Variants in PYCR1 observed in about 807,000 individuals in gnomAD.
PYCR1 encodes pyrroline-5-carboxylate reductase 1, mitochondrial.
In PYCR1, 19 loss-of-function variants were observed where a neutral mutation model predicts 22.9. The ratio of observed to expected loss-of-function variants is 0.83; its 90% confidence interval spans 0.58 to 1.22. PYCR1 has a LOEUF of 1.22. PYCR1 is among the 50% of genes most tolerant of loss of function. The probability of loss-of-function intolerance (pLI) is 0.00; values close to 1 mark genes in which losing one functional copy is unlikely to be tolerated. For missense variants in PYCR1, 429 were observed against 431.3 expected, an observed-to-expected ratio of 0.99 and a Z score of 0.05; for synonymous variants, 175 against 180.5, an observed-to-expected ratio of 0.97 and a Z score of 0.24.
At chr17:81,934,170 T>C (rs866155549) in intron 6 of PYCR1, 156 bp downstream of exon 6, 11 of 1,081,274 alleles carry the variant, frequency 1.0e-5, no homozygotes, top group Admixed American at 8.0e-5. Flanking sequence ...CTGCCCACAG[T>C]AACCCAGGGA....
chr17:81,934,336 T>C lies in PYCR1; in HGVS notation c.787A>G (p.Ile263Val), dbSNP rs776368964. The part of the protein sequence containing the change: ...LLINAVEASC[I>V]RTRELQSMAD... ...AGCGCGGGGGCCCACCGTGTGCGGATGCAGGAGGCCTCCACAGCGTTGATG... is the reference window on the plus strand; with the variant it reads ...AGCGCGGGGGCCCACCGTGTGCGGACGCAGGAGGCCTCCACAGCGTTGATG... The change falls in exon 6 of 7, where the codon ATC (isoleucine) becomes GTC (valine). Residue 263 changes from isoleucine to valine, a missense_variant. Ile to Val is a conservative substitution (Grantham distance 29). Transcript: ENST00000329875. The C allele has an allele frequency of 9.3e-6, 15 of 1,612,944 alleles. No individual in the cohort carries two copies. Among genetic ancestry groups the C allele is most frequent in the Non-Finnish European group, 1.3e-5 (15 of 1,179,962 alleles).
Position 81,932,671 on chromosome 17 carries a change from C to G in PYCR1, c.*543G>C. 1.4e-6 allele frequency: 1 copy of G among 714,558 alleles called. No individual in the cohort carries two copies. The highest frequency in any genetic ancestry group is 2.3e-6 in the Non-Finnish European group (1 of 438,720). The allele number at this position is 714,558 out of a possible 1,614,324, so 44.3% of individuals were successfully genotyped here. A position where few individuals can be genotyped will look rare whatever the true frequency, so the allele number is the denominator to read the frequency against. ...AAGTTCACCAGCAGCCCAAGGAGCC[C>G]TTTCCCCAAATGTCCATGGGATCTG... On this transcript the variant is annotated 3_prime_UTR_variant, in exon 7 of 7. Coordinates refer to ENST00000329875, the MANE Select transcript of PYCR1 (RefSeq NM_006907.4).
chr17:81,935,030 C>G lies in PYCR1; in HGVS notation c.436G>C (p.Gly146Arg), dbSNP rs748476036. The change falls in exon 4 of 7, where the codon GGG (glycine) becomes CGG (arginine). Residue 146 changes from glycine (G) to arginine (R), a missense_variant. Gly to Arg is a moderately radical substitution (Grantham distance 125). Coordinates refer to ENST00000329875, the MANE Select transcript of PYCR1 (RefSeq NM_006907.4). ...CTCAGCAGCTGCTCCATGAGCCTCC[C>G]GTCCTCCACCTGGGCGTGCGTGCCT... ...ATGTHAQVED[G>R]RLMEQLLSSV... 2 of 1,610,434 alleles carry G rather than the reference C, an allele frequency of 1.2e-6. No individual in the cohort carries two copies. Among genetic ancestry groups the G allele is most frequent in the African/African-American group, 2.7e-5 (2 of 75,018 alleles).
rs1406081130 is a variant in PYCR1 at position 81,935,150 on chromosome 17, G to C, written c.319-3C>G. ...GCTGGCCGAAACGCTGACAGCTTCT[G>C]GAAGAGAAACCAGCGTGTCCGTCTG... is the stretch of plus-strand genomic sequence containing the variant. On this transcript the variant is annotated splice_polypyrimidine_tract_variant and splice_region_variant and intron_variant, in intron 3 of 6. Transcript: ENST00000329875. 5.0e-6 allele frequency: 8 copies of C among 1,604,834 alleles called. No individual in the cohort carries two copies. Among genetic ancestry groups the C allele is most frequent in the Non-Finnish European group, 6.8e-6 (8 of 1,178,704 alleles).
In PYCR1 at chr17:81,934,365, A is replaced by G; in HGVS notation, c.758T>C (p.Leu253Pro). The change falls in exon 6 of 7, where the codon CTG becomes CCG. Residue 253 changes from leucine to proline, a missense_variant. Coordinates refer to ENST00000329875, the MANE Select transcript of PYCR1 (RefSeq NM_006907.4). ...HVLESGGFRS[L>P]LINAVEASCI... ...GGAGGCCTCCACAGCGTTGATGAGC[A>G]GGGAGCGGAAGCCCCCACTCTCCAG... 1.2e-6 allele frequency: 2 copies of G among 1,612,916 alleles called. No individual in the cohort carries two copies. Among genetic ancestry groups the G allele is most frequent in the Non-Finnish European group, 1.7e-6 (2 of 1,179,978 alleles).
rs1486257618 is a variant in PYCR1, at chr17:81,934,950, C to T, written c.516G>A (p.Gly172=). The T allele has an allele frequency of 1.2e-6, 2 of 1,609,368 alleles. No individual in the cohort carries two copies. Among genetic ancestry groups the T allele is most frequent in the Non-Finnish European group, 1.7e-6 (2 of 1,179,982 alleles). Residue 172 remains glycine, a synonymous_variant, in exon 4 of 7, where the codon GGG becomes GGA. Transcript: ENST00000329875. The part of the protein sequence containing the change: ...VEEDLIDAVT[G]LSGSGPAYAF... ...CGTAGGCGGGGCCGCTGCCACTGAG[C>T]CCCGTGACGGCATCAATCAGGTCCT... is the stretch of plus-strand genomic sequence containing the variant.
chr17:81,936,738 G>T lies in PYCR1; in HGVS notation c.67+10C>A. 6.3e-7 allele frequency: 1 copy of T among 1,599,454 alleles called. No homozygotes were observed. On this transcript the variant is annotated intron_variant, in intron 1 of 6. Coordinates refer to ENST00000329875, the MANE Select transcript of PYCR1 (RefSeq NM_006907.4). The stretch of plus-strand genomic sequence containing the variant: ...CACTGGGCCTCACCGTCCCCCACCT[G>T]GGGGCCTACCTGCTGCTGTGAAGCC...
At chr17:81,934,621 G>T (rs1403618766) in intron 5 of PYCR1, 32 bp downstream of exon 5, 21 of 1,551,524 alleles carry the variant, frequency 1.4e-5, no homozygotes, top group Non-Finnish European at 1.8e-5. Context: ...CGCAAAGAGT[G>T]GCCCCACCAG....
chr17:81,936,014 G>A, intron 2 of PYCR1, 109 bp downstream of exon 2: 1 of 1,294,384 alleles, frequency 7.7e-7, no homozygotes, highest in Non-Finnish European at 1.1e-6. Context: ...TGAGACCCCA[G>A]CCCAGGGCCC....
In PYCR1 at chr17:81,935,317, C is replaced by A. The variant is rs1362825805; in HGVS notation, c.318+20G>T. The A allele has an allele frequency of 1.9e-6, 3 of 1,610,926 alleles. No individual in the cohort carries two copies. In the Admixed American group the frequency reaches 5.0e-5, roughly 27 times the overall value. ...CTCTAGACAGCCCCTCTCCACACCC[C>A]ACTGGGCCTGCGGTGCTACCTTCTC... On this transcript the variant is annotated intron_variant, in intron 3 of 6. Transcript: ENST00000329875.
chr17:81,936,242 T>C (rs1282709178), intron 1 of PYCR1, 49 bp from the exon 2 acceptor site: 1 of 1,572,694 alleles, frequency 6.4e-7, no homozygotes, highest in Non-Finnish European at 8.7e-7. Context: ...TTTTTTTTTT[T>C]TGAGACGGAG....
rs1419961164 is a variant in PYCR1 at position 81,935,320 on chromosome 17, T to C, written c.318+17A>G. ...TAGACAGCCCCTCTCCACACCCCACTGGGCCTGCGGTGCTACCTTCTCAAT... is the reference window on the plus strand; with the variant it reads ...TAGACAGCCCCTCTCCACACCCCACCGGGCCTGCGGTGCTACCTTCTCAAT... On this transcript the variant is annotated intron_variant, in intron 3 of 6. Coordinates refer to ENST00000329875, the MANE Select transcript of PYCR1 (RefSeq NM_006907.4). The C allele has an allele frequency of 2.5e-6, 4 of 1,611,088 alleles. No individual in the cohort carries two copies. Among genetic ancestry groups the C allele is most frequent in the Non-Finnish European group, 2.5e-6 (3 of 1,179,922 alleles).
intron 4 of PYCR1, 28 bp downstream of exon 4, chr17:81,934,879 GGTCCCGGGAAGTGCCCGCC>G (rs1567923956): frequency 2.5e-6 from 4 of 1,596,930 alleles, no homozygotes; most frequent in Non-Finnish European, 3.4e-6. Flanking sequence ...TGTGCCCGGT[GGTCCCGGGAAGTGCCCGCC>G]GCCGCCAGCT....
chr17:81,934,558 T>C, intron 5 of PYCR1, 69 bp from the exon 6 acceptor site: 1 of 1,558,080 alleles, frequency 6.4e-7, no homozygotes, highest in Non-Finnish European at 8.7e-7. Flanking sequence ...CCCCAGCCAC[T>C]GTAGCACACA....
chr17:81,935,238 G>T, intron 3 of PYCR1, 91 bp from the exon 4 acceptor site: 1 of 1,570,682 alleles, frequency 6.4e-7, no homozygotes. Context: ...CTCCCAGTGG[G>T]CCGGGACGCT....
intron 4 of PYCR1, 66 bp downstream of exon 4, chr17:81,934,860 A>G (rs1567923905): frequency 6.3e-7 from 1 of 1,579,598 alleles, no homozygotes; most frequent in Non-Finnish European, 8.6e-7. Context: ...CAGGGGGAGC[A>G]GGGACAGATG....
intron 6 of PYCR1, among the ~76,000 whole-genome samples, chr17:81,933,784 A>G (rs2041065126): frequency 6.6e-6 from 1 of 152,234 alleles, no homozygotes; most frequent in Admixed American, 6.5e-5. Flanking sequence ...CCCACCCTGC[A>G]GACCTGAACT....
Position 81,934,731 on chromosome 17 carries a change from C to G in PYCR1, c.555G>C (p.Leu185=). The change falls in exon 5 of 7, where the codon CTG becomes CTC. Residue 185 remains leucine (L), a synonymous_variant. Coordinates refer to ENST00000329875, the MANE Select transcript of PYCR1 (RefSeq NM_006907.4). ...TCACACCCCCATCAGCCAGGGCATC[C>G]AGGGCTGTGAATGCCTGTGGGGAGA... ...GSGPAYAFTA[L]DALADGGVKM... 6.4e-7 allele frequency: 1 copy of G among 1,558,092 alleles called. No homozygotes were observed. Among genetic ancestry groups the G allele is most frequent in the Non-Finnish European group, 8.7e-7 (1 of 1,151,468 alleles).
chr17:81,935,272 T>C, intron 3 of PYCR1, 65 bp downstream of exon 3: 1 of 1,599,480 alleles, frequency 6.3e-7, no homozygotes, highest in Non-Finnish European at 8.5e-7. Context: ...AGATGAAAAC[T>C]GAAGTACTGA....
Sources: allele counts gnomAD v4.1 joint callset (sites outside exome capture counted in the v4.1 genomes callset), GRCh38; gene constraint gnomAD v4.1.1; transcripts MANE v1.5; gene names NCBI Gene and HGNC (gene_info 2026-07-23, HGNC 2026-07-21).